The following MAST4 variants were observed in gnomAD, a reference collection of about 807,000 sequenced individuals.
The protein encoded by MAST4 is microtubule associated serine/threonine kinase family member 4, also known as microtubule-associated serine/threonine-protein kinase 4.
MAST4 carries 89 observed loss-of-function variants against 162.7 expected under a neutral mutation model. That is an observed-to-expected ratio of 0.55 (90% CI 0.46 to 0.65). The LOEUF is 0.65. MAST4 is among the 30% of genes least tolerant of loss of function. The pLI, the probability that MAST4 is intolerant of heterozygous loss-of-function variation, is 0.00. For synonymous variants in MAST4, 1,479 were observed against 1,361.1 expected (o/e 1.09, Z -1.91); for missense variants, 3,153 against 3,374.0 (o/e 0.93, Z 1.62).
At chr5:66,801,158 T>C (rs1254549552) in intron 3 of MAST4, among the ~76,000 whole-genome samples, 1 of 152,120 alleles carries the variant, frequency 6.6e-6, no homozygotes, top group African/African-American at 2.4e-5. Flanking sequence ...TTTAAAGTGA[T>C]TGTTATGTGC....
chr5:66,764,456 C>T (rs557187856), intron 2 of MAST4, among the ~76,000 whole-genome samples: 93 of 152,166 alleles, frequency 6.1e-4, no homozygotes, highest in African/African-American at 2.2e-3. Context: ...GATGCAGGTA[C>T]AGTCATGTGC....
chr5:66,632,274 C>T (rs1000870682), intron 1 of MAST4, among the ~76,000 whole-genome samples: 4 of 152,098 alleles, frequency 2.6e-5, no homozygotes, highest in Non-Finnish European at 5.9e-5. Flanking sequence ...TGTTCTTTTG[C>T]AAAGTAACTC....
At chr5:66,986,333 A>C in intron 4 of MAST4, 1 of 660,044 alleles carries the variant, frequency 1.5e-6, no homozygotes, top group Non-Finnish European at 2.5e-6. Context: ...ACTTTTATAG[A>C]AAGTATGGAT....
At chr5:66,875,967 A>G (rs926943042) in intron 3 of MAST4, among the ~76,000 whole-genome samples, 1 of 152,100 alleles carries the variant, frequency 6.6e-6, no homozygotes, top group South Asian at 2.1e-4. Context: ...GGGTCTTGCT[A>G]TGTTGCCCAG....
chr5:66,615,207 G>A (rs1743589566), intron 1 of MAST4, among the ~76,000 whole-genome samples: 1 of 152,162 alleles, frequency 6.6e-6, no homozygotes, highest in African/African-American at 2.4e-5. Context: ...CAGGAAGGGA[G>A]TCAAGATTAG....
chr5:66,655,558 C>G (rs1746492345), intron 1 of MAST4, among the ~76,000 whole-genome samples: 1 of 152,148 alleles, frequency 6.6e-6, no homozygotes, highest in East Asian at 1.9e-4. Context: ...TGGCAGGAAA[C>G]CAATCTCAGG....
At chr5:67,134,402 C>T (rs552977708) in intron 17 of MAST4, 121 bp from the exon 18 acceptor site, 6 of 657,190 alleles carry the variant, frequency 9.1e-6, no homozygotes, top group Admixed American at 3.3e-5. Flanking sequence ...GTTCTTTGTC[C>T]ATGTGGTTCC....
intron 3 of MAST4, among the ~76,000 whole-genome samples, chr5:66,827,771 A>G (rs1185003657): frequency 6.6e-6 from 1 of 152,222 alleles, no homozygotes; most frequent in Non-Finnish European, 1.5e-5. Context: ...TAGACAAAGT[A>G]CAGTTGGTCC....
chr5:66,916,738 T>C (rs1168614214), intron 4 of MAST4, among the ~76,000 whole-genome samples: 1 of 152,212 alleles, frequency 6.6e-6, no homozygotes, highest in Non-Finnish European at 1.5e-5. Flanking sequence ...GCACCCACTC[T>C]TTAGTTTTCT....
intron 3 of MAST4, among the ~76,000 whole-genome samples, chr5:66,793,065 T>C (rs1755492576): frequency 6.6e-6 from 1 of 152,228 alleles, no homozygotes; most frequent in African/African-American, 2.4e-5. Flanking sequence ...GTATGAATTT[T>C]AGTAAATGCA....
At chr5:67,144,138 C>A (rs1275037290) in intron 21 of MAST4, among the ~76,000 whole-genome samples, 1 of 152,172 alleles carries the variant, frequency 6.6e-6, no homozygotes, top group East Asian at 1.9e-4. Flanking sequence ...GAAACAAATA[C>A]CTCTGGCTCT....
chr5:66,684,860 C>G (rs574053484), intron 1 of MAST4, among the ~76,000 whole-genome samples: 1 of 152,270 alleles, frequency 6.6e-6, no homozygotes, highest in African/African-American at 2.4e-5. Flanking sequence ...TGCTGCTCAG[C>G]GCTTGTGGGA....
intron 3 of MAST4, chr5:66,870,688 C>T: frequency 2.2e-6 from 1 of 445,330 alleles, no homozygotes; most frequent in Non-Finnish European, 4.6e-6. Context: ...CACTGTCCCT[C>T]TCCCTTTTCT....
chr5:66,693,324 A>G (rs1450225468), intron 1 of MAST4, among the ~76,000 whole-genome samples: 1 of 152,258 alleles, frequency 6.6e-6, no homozygotes, highest in African/African-American at 2.4e-5. Flanking sequence ...TAAGAATAAA[A>G]TATTCCAAAA....
At chr5:66,779,227 C>T (rs1170627793) in intron 2 of MAST4, among the ~76,000 whole-genome samples, 1 of 152,210 alleles carries the variant, frequency 6.6e-6, no homozygotes, top group African/African-American at 2.4e-5. Context: ...CTCTTGGCAT[C>T]ACCCTACTCC....
intron 6 of MAST4, chr5:67,093,707 T>C (rs1277461909): frequency 2.3e-6 from 1 of 438,986 alleles, no homozygotes; most frequent in Non-Finnish European, 4.7e-6. Context: ...ATCTAAAATA[T>C]GTTCATTGAT....
chr5:66,754,571 C>G (rs1753410231), intron 1 of MAST4, among the ~76,000 whole-genome samples: 1 of 152,060 alleles, frequency 6.6e-6, no homozygotes, highest in Admixed American at 6.6e-5. Context: ...TTTTAAAGTA[C>G]ATATCAGAGA....
intron 6 of MAST4, among the ~76,000 whole-genome samples, chr5:67,091,982 A>G (rs1323894632): frequency 2.0e-5 from 3 of 152,206 alleles, no homozygotes; most frequent in Non-Finnish European, 4.4e-5. Context: ...TTGTTATTCA[A>G]GTAAACAGAA....
chr5:66,646,260 T>A (rs982683129), intron 1 of MAST4, among the ~76,000 whole-genome samples: 1 of 152,160 alleles, frequency 6.6e-6, no homozygotes, highest in African/African-American at 2.4e-5. Flanking sequence ...AAAAATGTTT[T>A]ATGGTAAATC....
Sources: allele counts gnomAD v4.1 joint callset (sites outside exome capture counted in the v4.1 genomes callset), GRCh38; gene constraint gnomAD v4.1.1; transcripts MANE v1.5; gene names NCBI Gene and HGNC (gene_info 2026-07-23, HGNC 2026-07-21).